Variants in PRCC observed in about 807,000 individuals in gnomAD.
PRCC encodes proline rich mitotic checkpoint control factor.
In PRCC, 10 loss-of-function variants were observed where a neutral mutation model predicts 44.0. The observed-to-expected ratio is 0.23, with a 90% CI of 0.14 to 0.39. The LOEUF (loss-of-function observed/expected upper bound fraction) is 0.39. Among genes scored for constraint, PRCC ranks in the 10% least tolerant of loss-of-function variants. The pLI is 1.00. For missense variants in PRCC, 573 were observed against 624.7 expected, an observed-to-expected ratio of 0.92 and a Z score of 0.88; for synonymous variants, 278 against 259.5, an observed-to-expected ratio of 1.07 and a Z score of -0.69.
Position 156,794,799 on chromosome 1 carries a change from A to T in PRCC, c.1314A>T (p.Ser438=), listed in dbSNP as rs190762435. 6.2e-7 allele frequency: 1 copy of T among 1,614,238 alleles called. No homozygotes were observed. Among genetic ancestry groups the T allele is most frequent in the East Asian group, 2.2e-5 (1 of 44,894 alleles). ...KSLTEEKTMK[S]FSKKKGEQPT... ...TGACAGAAGAGAAAACCATGAAGTC[A>T]TTCAGCAAAGTAAGTGGGAAACGTC... Residue 438 remains serine (S), a synonymous_variant, in exon 5 of 7, where the codon TCA becomes TCT. Transcript: ENST00000271526.
intron 4 of PRCC, among the ~76,000 whole-genome samples, chr1:156,792,081 T>TTTTC (rs59205519): frequency 8.4e-6 from 1 of 118,706 alleles, no homozygotes; most frequent in Non-Finnish European, 1.8e-5. Context: ...TTTTTTTTTT[T>TTTTC]GGTAGAGACG....
chr1:156,776,070 C>T (rs1381118401), intron 1 of PRCC, among the ~76,000 whole-genome samples: 6 of 151,810 alleles, frequency 4.0e-5, no homozygotes, highest in African/African-American at 9.7e-5. Context: ...ATAAGATGTT[C>T]GGGCTGGGTG....
At chr1:156,780,819 C>T (rs548031433) in intron 1 of PRCC, among the ~76,000 whole-genome samples, 47 of 152,158 alleles carry the variant, frequency 3.1e-4, no homozygotes, top group African/African-American at 1.0e-3. Flanking sequence ...CCTCTGCTTC[C>T]GCGGTTCAAG....
chr1:156,786,570 A>G (rs767055805), intron 2 of PRCC, 38 bp from the exon 3 acceptor site: 13 of 1,563,054 alleles, frequency 8.3e-6, no homozygotes, highest in African/African-American at 2.7e-5. Flanking sequence ...CTCACTTGTC[A>G]TCTTTCTTTC....
At chr1:156,784,369 C>T (rs998708350) in intron 2 of PRCC, among the ~76,000 whole-genome samples, 5 of 152,108 alleles carry the variant, frequency 3.3e-5, no homozygotes, top group African/African-American at 1.2e-4. Context: ...GCTCAGAAGG[C>T]GCCCCCACTG....
In PRCC at chr1:156,767,805, A is replaced by G; in HGVS notation, c.34A>G (p.Ser12Gly). ...GGTTGCTTACGCCAGCAGCGATGAGAGCGAGCCGGATGAGGCTGAGCCCGA... is the reference window on the plus strand; with the variant it reads ...GGTTGCTTACGCCAGCAGCGATGAGGGCGAGCCGGATGAGGCTGAGCCCGA... ...SLVAYASSDE[S>G]EPDEAEPEPE... The change falls in exon 1 of 7, where the codon AGC becomes GGC. Residue 12 changes from serine (S) to glycine (G), a missense_variant. Ser to Gly is a moderately conservative substitution (Grantham distance 56). Transcript: ENST00000271526. 1 of 1,609,276 alleles carries G rather than the reference A, an allele frequency of 6.2e-7. No homozygotes were observed. The highest frequency in any genetic ancestry group is 8.5e-7 in the Non-Finnish European group (1 of 1,178,806).
intron 5 of PRCC, 82 bp from the exon 6 acceptor site, chr1:156,797,194 C>T: frequency 6.4e-7 from 1 of 1,564,234 alleles, no homozygotes; most frequent in South Asian, 1.1e-5. Flanking sequence ...GCTTCTCAGC[C>T]CCTAACACCA....
chr1:156,791,332 T>C, intron 3 of PRCC: 1 of 508,008 alleles, frequency 2.0e-6, no homozygotes, highest in South Asian at 1.9e-5. Context: ...ATTGGGGTCT[T>C]ATGAGCAGGA....
chr1:156,797,682 TAAAAA>T (rs889544819), intron 6 of PRCC, among the ~76,000 whole-genome samples: 1 of 151,352 alleles, frequency 6.6e-6, no homozygotes, highest in African/African-American at 2.4e-5. Flanking sequence ...TTAAAAAACT[TAAAAA>T]AAAAGTTGAT....
rs1651455783 is a variant in PRCC, at chr1:156,767,822, T to TGAGCCC, written c.57_62dup (p.Pro21_Glu22dup). The TGAGCCC allele has an allele frequency of 8.7e-6, 14 of 1,610,314 alleles. No homozygotes were observed. Among genetic ancestry groups the TGAGCCC allele is most frequent in the African/African-American group, 1.3e-5 (1 of 74,888 alleles). Reference sequence around the variant, plus strand: ...GCGATGAGAGCGAGCCGGATGAGGCTGAGCCCGAGCCGGAGGAAGAGGAGG... The same window carrying TGAGCCC: ...GCGATGAGAGCGAGCCGGATGAGGCTGAGCCCGAGCCCGAGCCGGAGGAAGAGGAGG... On this transcript the variant is annotated inframe_insertion, in exon 1 of 7. Coordinates refer to ENST00000271526, the MANE Select transcript of PRCC (RefSeq NM_005973.5).
intron 2 of PRCC, among the ~76,000 whole-genome samples, chr1:156,785,277 C>T (rs988084354): frequency 1.3e-5 from 2 of 151,930 alleles, no homozygotes; most frequent in Admixed American, 6.6e-5. Context: ...TTTGGGAGGC[C>T]GAGGTGGGTG....
In PRCC at chr1:156,792,053, C is replaced by CTTTTTTTTTTTTTTTTTTTT. The variant is rs67388360; in HGVS notation, c.1179+270_1179+289dup. On this transcript the variant is annotated intron_variant, in intron 4 of 6. Coordinates refer to ENST00000271526, the MANE Select transcript of PRCC (RefSeq NM_005973.5). ...ACAGAGTCAGGGATCTAGTCCCCTT[C>CTTTTTTTTTTTTTTTTTTTT]TTTTTTTTTTTTTTTTTTTTTTTTT... is the stretch of plus-strand genomic sequence containing the variant. Among the ~76,000 whole-genome samples, 146 of 58,456 alleles carry CTTTTTTTTTTTTTTTTTTTT rather than the reference C, an allele frequency of 2.5e-3. 16 individuals are homozygous for CTTTTTTTTTTTTTTTTTTTT. Among genetic ancestry groups the CTTTTTTTTTTTTTTTTTTTT allele is most frequent in the Non-Finnish European group, 4.1e-3 (127 of 30,752 alleles). 38.3% of individuals were successfully genotyped at this position (58,456 alleles called of 152,430 possible).
intron 6 of PRCC, among the ~76,000 whole-genome samples, chr1:156,798,779 G>C (rs910463648): frequency 1.3e-5 from 2 of 151,208 alleles, no homozygotes; most frequent in Non-Finnish European, 2.9e-5. Context: ...AACCCGGGAG[G>C]TGGAGGTTGC....
chr1:156,784,900 CA>C (rs1652178311), intron 2 of PRCC, among the ~76,000 whole-genome samples: 1 of 152,092 alleles, frequency 6.6e-6, no homozygotes, highest in Non-Finnish European at 1.5e-5. Context: ...AGTGAGCTTA[CA>C]GATCAAAAGT....
chr1:156,768,365 T>A, intron 1 of PRCC, 126 bp downstream of exon 1: 1 of 1,016,078 alleles, frequency 9.8e-7, no homozygotes, highest in Non-Finnish European at 1.4e-6. Flanking sequence ...ACTGGAATCC[T>A]CTTATAATGC....
intron 4 of PRCC, among the ~76,000 whole-genome samples, chr1:156,792,741 C>T (rs2102771044): frequency 6.6e-6 from 1 of 152,296 alleles, no homozygotes; most frequent in South Asian, 2.1e-4. Context: ...AGGCGTGAGC[C>T]ACTGCATCTA....
At chr1:156,775,897 T>C (rs1200780762) in intron 1 of PRCC, among the ~76,000 whole-genome samples, 1 of 152,242 alleles carries the variant, frequency 6.6e-6, no homozygotes, top group Non-Finnish European at 1.5e-5. Flanking sequence ...TCCTCCCATC[T>C]GGGCCTCCCC....
At chr1:156,777,602 A>G (rs1406174677) in intron 1 of PRCC, among the ~76,000 whole-genome samples, 1 of 152,208 alleles carries the variant, frequency 6.6e-6, no homozygotes, top group Non-Finnish European at 1.5e-5. Flanking sequence ...GTATTCAACT[A>G]TAAGAAATAC....
intron 1 of PRCC, among the ~76,000 whole-genome samples, chr1:156,774,511 G>A (rs547113070): frequency 6.6e-6 from 1 of 151,366 alleles, no homozygotes; most frequent in Admixed American, 6.6e-5. Context: ...CAATGAAACA[G>A]GGTCTCAGTC....
Sources: gnomAD v4.1 joint callset for allele counts (sites outside exome capture counted in the v4.1 genomes callset) on GRCh38, gnomAD v4.1.1 for gene constraint, MANE v1.5 for transcripts, NCBI Gene and HGNC (gene_info 2026-07-23, HGNC 2026-07-21) for gene names.